CLMP: variants seen among roughly 807,000 people sequenced by gnomAD.
CLMP encodes CXADR-like membrane protein.
A neutral mutation model predicts 45.2 loss-of-function variants in CLMP; 27 were observed. The ratio of observed to expected loss-of-function variants is 0.60; its 90% CI spans 0.44 to 0.82. The LOEUF is 0.82. Among genes scored for constraint, CLMP ranks in the 40% least tolerant of loss-of-function variants. The pLI, the probability that CLMP is intolerant of heterozygous loss-of-function variation, is 0.00. For synonymous variants in CLMP, 167 were observed against 171.4 expected, an observed-to-expected ratio of 0.97 and a Z score of 0.20; for missense variants, 403 against 448.4, an observed-to-expected ratio of 0.90 and a Z score of 0.91.
chr11:123,187,521 G>A (rs1277162765), intron 1 of CLMP, among the ~76,000 whole-genome samples: 1 of 152,136 alleles, frequency 6.6e-6, no homozygotes, highest in Admixed American at 6.5e-5. Flanking sequence ...CTACACTGGG[G>A]CTGAGTCTCT....
At chr11:123,177,441 G>C (rs1861713723) in intron 1 of CLMP, among the ~76,000 whole-genome samples, 1 of 152,110 alleles carries the variant, frequency 6.6e-6, no homozygotes, top group Non-Finnish European at 1.5e-5. Flanking sequence ...CAACACGTTT[G>C]GGTTACATTT....
intron 1 of CLMP, chr11:123,188,881 CAAGT>C (rs747319840): frequency 6.6e-6 from 1 of 152,176 alleles, no homozygotes; most frequent in South Asian, 2.1e-4. Flanking sequence ...CTTTAGGAAA[CAAGT>C]AAGTCAGAGG....
At chr11:123,107,831 C>T (rs1860582086) in intron 1 of CLMP, among the ~76,000 whole-genome samples, 1 of 151,900 alleles carries the variant, frequency 6.6e-6, no homozygotes, top group Admixed American at 6.6e-5. Context: ...CAGTTGAAAT[C>T]AAGTTGTGGA....
At chr11:123,082,467 C>T (rs2135467329) in intron 5 of CLMP, among the ~76,000 whole-genome samples, 1 of 152,184 alleles carries the variant, frequency 6.6e-6, no homozygotes, top group Non-Finnish European at 1.5e-5. Context: ...CATCAGCACA[C>T]CTGGCTCATT....
chr11:123,148,867 G>A (rs1301407759), intron 1 of CLMP, among the ~76,000 whole-genome samples: 1 of 152,196 alleles, frequency 6.6e-6, no homozygotes. Flanking sequence ...AAAGACTGAG[G>A]TCTAGGGTGT....
chr11:123,121,928 G>C (rs1019142706), intron 1 of CLMP, among the ~76,000 whole-genome samples: 4 of 152,038 alleles, frequency 2.6e-5, no homozygotes, highest in African/African-American at 4.8e-5. Context: ...ATTTTTTGTA[G>C]AGATGGGGTT....
intron 1 of CLMP, chr11:123,136,281 C>G (rs1234116918): frequency 1.5e-6 from 1 of 648,916 alleles, no homozygotes; most frequent in Non-Finnish European, 3.0e-6. Context: ...TGGCCAAACA[C>G]TGGATTCCAC....
At chr11:123,147,923 C>T (rs1001680890) in intron 1 of CLMP, among the ~76,000 whole-genome samples, 1 of 151,968 alleles carries the variant, frequency 6.6e-6, no homozygotes, top group Non-Finnish European at 1.5e-5. Context: ...AGAGACCCTC[C>T]CACCTTGGCC....
chr11:123,155,491 T>TA (rs1159166009), intron 1 of CLMP, among the ~76,000 whole-genome samples: 1 of 152,254 alleles, frequency 6.6e-6, no homozygotes, highest in Admixed American at 6.5e-5. Flanking sequence ...ATTTGGTACT[T>TA]ACGCCCATCG....
intron 1 of CLMP, among the ~76,000 whole-genome samples, chr11:123,115,906 T>C (rs1382528779): frequency 6.6e-6 from 1 of 152,158 alleles, no homozygotes; most frequent in Non-Finnish European, 1.5e-5. Context: ...GCTGGGTGGC[T>C]CTGACTCAGG....
chr11:123,129,285 G>C (rs1192814843), intron 1 of CLMP, among the ~76,000 whole-genome samples: 1 of 150,580 alleles, frequency 6.6e-6, no homozygotes, highest in Non-Finnish European at 1.5e-5. Context: ...AGCCGAGATT[G>C]TACCATTGCA....
chr11:123,101,427 C>A (rs999527671), intron 1 of CLMP, among the ~76,000 whole-genome samples: 3 of 152,188 alleles, frequency 2.0e-5, no homozygotes, highest in Non-Finnish European at 4.4e-5. Flanking sequence ...TTTTCTAATT[C>A]TCTAATTCCC....
At chr11:123,193,607 A>G (rs4936783) in intron 1 of CLMP, among the ~76,000 whole-genome samples, 115,769 of 152,210 alleles carry the variant, frequency 0.76, 44,698 homozygotes, top group African/African-American at 0.9. Flanking sequence ...TCTCTAACTT[A>G]AGTGATTATC....
intron 1 of CLMP, among the ~76,000 whole-genome samples, chr11:123,142,676 G>A (rs1861179387): frequency 7.7e-6 from 1 of 130,200 alleles, no homozygotes; most frequent in South Asian, 2.7e-4. Flanking sequence ...CCGGACTGCG[G>A]ACTGCAGTGG....
At chr11:123,104,020 G>A (rs1034850852) in intron 1 of CLMP, among the ~76,000 whole-genome samples, 5 of 150,914 alleles carry the variant, frequency 3.3e-5, no homozygotes, top group Non-Finnish European at 7.4e-5. Context: ...AGTAGAGACG[G>A]GATTTCACTG....
intron 1 of CLMP, among the ~76,000 whole-genome samples, chr11:123,144,046 T>G (rs1861203111): frequency 6.6e-6 from 1 of 152,164 alleles, no homozygotes; most frequent in Non-Finnish European, 1.5e-5. Flanking sequence ...TGGCCTCAAG[T>G]GATCCGTCTG....
At position 123,137,797 on chromosome 11, in the gene CLMP, G is replaced by A. The variant is rs140966891; in HGVS notation, c.29-39845C>T. On this transcript the variant is annotated intron_variant, in intron 1 of 6. Transcript: ENST00000448775. ...CCTTCTGAGTGGCGGAAGGCGCCAG[G>A]CTCGGTGATTGAAACCACATGTGCT... 1.6e-3 allele frequency among the ~76,000 whole-genome samples: 247 copies of A among 152,264 alleles called. 1 individual carries two copies. Among genetic ancestry groups the A allele is most frequent in the Middle Eastern group, 3.4e-3 (1 of 294 alleles).
chr11:123,136,438 T>TCCCC (rs35816690), intron 1 of CLMP: 5 of 363,562 alleles, frequency 1.4e-5, no homozygotes, highest in African/African-American at 2.7e-5. Flanking sequence ...GCCCTCCTTG[T>TCCCC]CCCCCCCCAC....
chr11:123,103,989 C>G (rs1305350336), intron 1 of CLMP, among the ~76,000 whole-genome samples: 2 of 151,530 alleles, frequency 1.3e-5, no homozygotes, highest in Admixed American at 1.3e-4. Flanking sequence ...ACCACCATGC[C>G]TGGCTAATTT....
Sources: allele counts gnomAD v4.1 joint callset (sites outside exome capture counted in the v4.1 genomes callset), GRCh38; gene constraint gnomAD v4.1.1; transcripts MANE v1.5; gene names NCBI Gene and HGNC (gene_info 2026-07-23, HGNC 2026-07-21).